Variants in ETV6 observed in about 807,000 individuals in gnomAD.
ETV6 encodes transcription factor ETV6.
ETV6 carries 16 observed loss-of-function variants against 51.1 expected under a neutral mutation model. The observed-to-expected ratio is 0.31, with a 90% CI of 0.21 to 0.48. ETV6 has a LOEUF of 0.48. Among genes scored for constraint, ETV6 ranks in the 20% least tolerant of loss-of-function variants. The pLI is 0.99. For synonymous variants in ETV6, 240 were observed against 224.1 expected (o/e 1.07, Z -0.64); for missense variants, 458 against 594.8 (o/e 0.77, Z 2.39).
At chr12:11,808,116 G>T (rs1945856287) in intron 2 of ETV6, among the ~76,000 whole-genome samples, 1 of 152,058 alleles carries the variant, frequency 6.6e-6, no homozygotes, top group South Asian at 2.1e-4. Flanking sequence ...TTTTTTGCCA[G>T]CAAAGCTAAT....
chr12:11,763,624 C>T (rs529551488), intron 2 of ETV6, among the ~76,000 whole-genome samples: 1 of 152,220 alleles, frequency 6.6e-6, no homozygotes, highest in Non-Finnish European at 1.5e-5. Flanking sequence ...TGTGTGCACG[C>T]ACGTGCTTTC....
intron 5 of ETV6, among the ~76,000 whole-genome samples, chr12:11,871,876 GA>G (rs1317736588): frequency 2.0e-5 from 3 of 151,992 alleles, no homozygotes; most frequent in Non-Finnish European, 1.5e-5. Flanking sequence ...TAAAACTGGG[GA>G]AAAAAAGAAT....
intron 2 of ETV6, among the ~76,000 whole-genome samples, chr12:11,781,383 C>T (rs1289820190): frequency 6.6e-6 from 1 of 152,220 alleles, no homozygotes; most frequent in African/African-American, 2.4e-5. Context: ...AGAGTTGAAA[C>T]TCACCTCACT....
At chr12:11,678,139 A>G (rs1458022990) in intron 1 of ETV6, among the ~76,000 whole-genome samples, 1 of 152,220 alleles carries the variant, frequency 6.6e-6, no homozygotes, top group Non-Finnish European at 1.5e-5. Flanking sequence ...GCCAGGTACC[A>G]TGCATATAAC....
chr12:11,780,661 A>G (rs1224473177), intron 2 of ETV6, among the ~76,000 whole-genome samples: 2 of 152,216 alleles, frequency 1.3e-5, no homozygotes, highest in African/African-American at 2.4e-5. Flanking sequence ...ACATCTCACC[A>G]TCCCTGGGGA....
chr12:11,798,669 A>G (rs1039131957), intron 2 of ETV6, among the ~76,000 whole-genome samples: 6 of 152,234 alleles, frequency 3.9e-5, no homozygotes, highest in African/African-American at 1.4e-4. Context: ...CATGACATTT[A>G]TAAAAATGAA....
chr12:11,862,649 G>A (rs2136519203), intron 4 of ETV6, among the ~76,000 whole-genome samples: 1 of 152,270 alleles, frequency 6.6e-6, no homozygotes. Flanking sequence ...ATGTCTGGAA[G>A]TCCAGAGTAT....
intron 1 of ETV6, among the ~76,000 whole-genome samples, chr12:11,738,233 C>T (rs1231980518): frequency 1.4e-5 from 1 of 69,972 alleles, no homozygotes. Context: ...TCCCTCCCTC[C>T]CTCCTTCCCT....
At chr12:11,654,191 G>T (rs1179426831) in intron 1 of ETV6, among the ~76,000 whole-genome samples, 2 of 152,166 alleles carry the variant, frequency 1.3e-5, no homozygotes, top group African/African-American at 4.8e-5. Flanking sequence ...TTGAGGAAAA[G>T]GTACAACAAA....
chr12:11,751,254 A>G (rs1866020079), intron 1 of ETV6: 3 of 488,950 alleles, frequency 6.1e-6, no homozygotes, highest in Non-Finnish European at 1.2e-5. Context: ...TGCACATTTG[A>G]TGAGATGTAA....
chr12:11,711,918 A>G (rs746095398), intron 1 of ETV6, among the ~76,000 whole-genome samples: 9 of 151,842 alleles, frequency 5.9e-5, no homozygotes, highest in African/African-American at 2.2e-4. Flanking sequence ...ACTTTTCTCT[A>G]TTTTTTTCCA....
intron 3 of ETV6, among the ~76,000 whole-genome samples, chr12:11,841,606 C>A (rs1229850539): frequency 1.3e-5 from 2 of 152,216 alleles, no homozygotes; most frequent in African/African-American, 2.4e-5. Flanking sequence ...AATAGAAATT[C>A]ATTCCATGAG....
rs35812814 is a variant in ETV6 at position 11,892,210 on chromosome 12, A to ATTTTTTTTTTTTTTTTT, written c.*1171_*1187dup. On this transcript the variant is annotated 3_prime_UTR_variant, in exon 8 of 8. Transcript: ENST00000396373. ...GTGGTCAGTTTCATGCCCTCACCTGATTTTTTTTTTTTTTTTTTTTTTTCA... is the reference window on the plus strand; with the variant it reads ...GTGGTCAGTTTCATGCCCTCACCTGATTTTTTTTTTTTTTTTTTTTTTTTTTTTTTTTTTTTTTTTCA... 1.1e-4 allele frequency: 17 copies of ATTTTTTTTTTTTTTTTT among 153,564 alleles called. 1 individual carries two copies. Among genetic ancestry groups the ATTTTTTTTTTTTTTTTT allele is most frequent in the African/African-American group, 6.6e-4 (16 of 24,384 alleles). The allele number at this position is 153,564 out of a possible 1,614,324, so 9.5% of individuals were successfully genotyped here.
intron 2 of ETV6, among the ~76,000 whole-genome samples, chr12:11,812,245 C>A (rs1462764955): frequency 6.6e-6 from 1 of 152,160 alleles, no homozygotes; most frequent in Non-Finnish European, 1.5e-5. Context: ...ACAAATCTTA[C>A]CAGAAAACTG....
chr12:11,790,877 C>T (rs751718751), intron 2 of ETV6, among the ~76,000 whole-genome samples: 5 of 152,050 alleles, frequency 3.3e-5, no homozygotes, highest in Non-Finnish European at 7.4e-5. Flanking sequence ...GGGCTTTCAC[C>T]ATGTTGGCCA....
chr12:11,678,420 G>A (rs147042281), intron 1 of ETV6, among the ~76,000 whole-genome samples: 5 of 152,206 alleles, frequency 3.3e-5, no homozygotes, highest in African/African-American at 7.2e-5. Flanking sequence ...AATTAGAGGC[G>A]CATTTTGATT....
intron 1 of ETV6, among the ~76,000 whole-genome samples, chr12:11,731,970 C>T (rs1865608402): frequency 6.6e-6 from 1 of 152,160 alleles, no homozygotes; most frequent in South Asian, 2.1e-4. Context: ...CCCCGGAACC[C>T]CTTCAGTCCC....
intron 1 of ETV6, among the ~76,000 whole-genome samples, chr12:11,653,696 C>T (rs755234693): frequency 1.3e-5 from 2 of 152,088 alleles, no homozygotes; most frequent in Non-Finnish European, 2.9e-5. Context: ...ACACTTTCAT[C>T]CACTGGCTTG....
In ETV6 at chr12:11,886,483, A is replaced by G. The variant is rs1041346916; in HGVS notation, c.1253+457A>G. ...ATCAGAGCTTTTTTTTTTTAATGAA[A>G]TAAGGATAGGATAGGATAGAGTTGA... On this transcript the variant is annotated intron_variant, in intron 7 of 7. Coordinates refer to ENST00000396373, the MANE Select transcript of ETV6 (RefSeq NM_001987.5). Among the ~76,000 whole-genome samples the G allele has an allele frequency of 1.5e-4, 23 of 151,964 alleles. 1 individual carries two copies. The highest frequency in any genetic ancestry group is 1.2e-3 in the South Asian group (6 of 4,814).
Sources: allele counts gnomAD v4.1 joint callset (sites outside exome capture counted in the v4.1 genomes callset), GRCh38; gene constraint gnomAD v4.1.1; transcripts MANE v1.5; gene names NCBI Gene and HGNC (gene_info 2026-07-23, HGNC 2026-07-21).